PAX5: variants seen among roughly 807,000 people sequenced by gnomAD.
The protein encoded by PAX5 is paired box protein Pax-5.
PAX5 carries 9 observed loss-of-function variants against 43.7 expected under a neutral mutation model. The observed-to-expected ratio is 0.21, with a 90% confidence interval of 0.12 to 0.36. The LOEUF (loss-of-function observed/expected upper bound fraction) is 0.36. Ranked by LOEUF, PAX5 falls within the 10% of genes least tolerant of loss-of-function variation. The pLI, the probability that PAX5 is intolerant of heterozygous loss-of-function variation, is 1.00. For synonymous variants in PAX5, 228 were observed against 214.3 expected (o/e 1.06, Z -0.56); for missense variants, 383 against 532.7 (o/e 0.72, Z 2.77).
At chr9:36,910,974 C>T (rs577348414) in intron 7 of PAX5, among the ~76,000 whole-genome samples, 4 of 152,296 alleles carry the variant, frequency 2.6e-5, no homozygotes, top group Non-Finnish European at 5.9e-5. Context: ...ATTTAAAAGG[C>T]TGAAGCTGTA....
intron 1 of PAX5, among the ~76,000 whole-genome samples, chr9:37,027,511 A>T (rs1037521411): frequency 3.3e-5 from 5 of 152,178 alleles, no homozygotes; most frequent in Non-Finnish European, 7.4e-5. Flanking sequence ...GCGTGGAGTG[A>T]GGAACAGAGG....
intron 5 of PAX5, among the ~76,000 whole-genome samples, chr9:36,968,977 C>T (rs1834693257): frequency 6.6e-6 from 1 of 152,182 alleles, no homozygotes; most frequent in Non-Finnish European, 1.5e-5. Context: ...GTTTTTCCTA[C>T]TCAGCTGTGG....
chr9:36,872,661 A>G (rs1364865965), intron 8 of PAX5, among the ~76,000 whole-genome samples: 1 of 152,156 alleles, frequency 6.6e-6, no homozygotes, highest in African/African-American at 2.4e-5. Flanking sequence ...GAAAGCCTAC[A>G]TGTGTGTATC....
chr9:37,001,695 TCATGAGAACACA>T (rs972787603), intron 5 of PAX5, among the ~76,000 whole-genome samples: 1 of 151,924 alleles, frequency 6.6e-6, no homozygotes, highest in African/African-American at 2.4e-5. Flanking sequence ...AGGCATGTGC[TCATGAGAACACA>T]CATCCCTTAC....
At position 36,833,932 on chromosome 9, in the gene PAX5, G is replaced by A. The variant is rs1182640019; in HGVS notation, c.*6628C>T. ...ATCACAAACTTTGGCGGATACAGTA[G>A]ATATGTATTTCTTTGATGCTGAAAG... On this transcript the variant is annotated 3_prime_UTR_variant, in exon 10 of 10. Transcript: ENST00000358127. 4.3e-6 allele frequency: 1 copy of A among 231,838 alleles called. No homozygotes were observed. The highest frequency in any genetic ancestry group is 8.5e-6 in the Non-Finnish European group (1 of 117,738). The allele number at this position is 231,838 out of a possible 1,614,324, so 14.4% of individuals were successfully genotyped here. A position where few individuals can be genotyped will look rare whatever the true frequency, so the allele number is the denominator to read the frequency against.
intron 7 of PAX5, among the ~76,000 whole-genome samples, chr9:36,922,011 G>A (rs934817383): frequency 2.4e-4 from 37 of 152,258 alleles, no homozygotes; most frequent in African/African-American, 7.5e-4. Flanking sequence ...CCCACCTCAG[G>A]CCTGGGTGCA....
intron 7 of PAX5, among the ~76,000 whole-genome samples, chr9:36,918,834 A>C (rs1297869600): frequency 6.6e-6 from 1 of 152,264 alleles, no homozygotes; most frequent in Non-Finnish European, 1.5e-5. Flanking sequence ...TATGGAAAGA[A>C]GCCATCTCCA....
intron 7 of PAX5, among the ~76,000 whole-genome samples, chr9:36,887,803 G>A (rs1351761969): frequency 2.6e-5 from 4 of 152,152 alleles, no homozygotes; most frequent in Non-Finnish European, 5.9e-5. Context: ...AAAAGCTTTT[G>A]TGCTTCAAAG....
At position 36,837,163 on chromosome 9, in the gene PAX5, G is replaced by T. The variant is rs1040163530; in HGVS notation, c.*3397C>A. The T allele has an allele frequency of 4.3e-6, 1 of 232,918 alleles. No individual in the cohort carries two copies. The highest frequency in any genetic ancestry group is 5.6e-5 in the Admixed American group (1 of 17,778). 14.4% of individuals were successfully genotyped at this position (232,918 alleles called of 1,614,324 possible). A position where few individuals can be genotyped will look rare whatever the true frequency, so the allele number is the denominator to read the frequency against. On this transcript the variant is annotated 3_prime_UTR_variant, in exon 10 of 10. Transcript: ENST00000358127. ...AGCACAACTCGGTGGAGAGAGAATG[G>T]GGCCTGGAGATCTGAGAATTCACTT... is the stretch of plus-strand genomic sequence containing the variant.
chr9:37,005,321 C>A (rs965130693), intron 4 of PAX5, among the ~76,000 whole-genome samples: 1 of 152,246 alleles, frequency 6.6e-6, no homozygotes, highest in African/African-American at 2.4e-5. Flanking sequence ...TTCTTATAGG[C>A]TTGGCCTCTG....
At chr9:36,980,142 C>T (rs1835788465) in intron 5 of PAX5, among the ~76,000 whole-genome samples, 1 of 152,226 alleles carries the variant, frequency 6.6e-6, no homozygotes, top group South Asian at 2.1e-4. Flanking sequence ...AACTCCAAGC[C>T]AAGACTATGC....
At chr9:36,864,937 C>G (rs935343468) in intron 8 of PAX5, among the ~76,000 whole-genome samples, 1 of 152,250 alleles carries the variant, frequency 6.6e-6, no homozygotes, top group South Asian at 2.1e-4. Flanking sequence ...TTCCAGCACT[C>G]TAACGGGCTG....
rs1465540763 is a variant in PAX5, at chr9:37,020,713, A to T, written c.135T>A (p.Ala45=). ...DVVRQRIVEL[A]HQGVRPCDIS... is the part of the protein sequence containing the mutation. The stretch of plus-strand genomic sequence containing the variant: ...TGTCGCAGGGCCTGACACCTTGATG[A>T]GCAAGTTCCACTATCCTCTGGCGGA... The change falls in exon 2 of 10, where the codon GCT becomes GCA. Residue 45 remains alanine, a synonymous_variant. Transcript: ENST00000358127. 2 of 1,614,180 alleles carry T rather than the reference A, an allele frequency of 1.2e-6. No homozygotes were observed. The highest frequency in any genetic ancestry group is 1.7e-6 in the Non-Finnish European group (2 of 1,180,032).
At chr9:36,846,796 G>T (rs2131590412) in intron 9 of PAX5, 47 bp downstream of exon 9, 1 of 1,380,920 alleles carries the variant, frequency 7.2e-7, no homozygotes, top group African/African-American at 1.4e-5. Context: ...GCCTGGATGG[G>T]GTAGCTGATG....
chr9:36,896,980 T>G (rs756819680), intron 7 of PAX5, among the ~76,000 whole-genome samples: 3 of 152,232 alleles, frequency 2.0e-5, no homozygotes, highest in Non-Finnish European at 2.9e-5. Context: ...ATTCGGTTCC[T>G]GCAGTCAGAC....
intron 5 of PAX5, among the ~76,000 whole-genome samples, chr9:36,977,845 G>T (rs1195015079): frequency 6.6e-6 from 1 of 152,222 alleles, no homozygotes; most frequent in Admixed American, 6.5e-5. Context: ...CAGGGAAGAG[G>T]AATTGCATTC....
chr9:36,912,160 C>A (rs1318108096), intron 7 of PAX5, among the ~76,000 whole-genome samples: 3 of 152,250 alleles, frequency 2.0e-5, no homozygotes, highest in Admixed American at 1.3e-4. Context: ...ACGTAGAGAG[C>A]TGTCGCTGGG....
intron 1 of PAX5, among the ~76,000 whole-genome samples, chr9:37,026,967 G>T (rs540737408): frequency 3.0e-4 from 45 of 152,352 alleles, no homozygotes; most frequent in Non-Finnish European, 5.4e-4. Flanking sequence ...GCTTTGAGGA[G>T]GCCGCCGGAA....
intron 9 of PAX5, among the ~76,000 whole-genome samples, chr9:36,841,234 A>G (rs910916680): frequency 1.3e-5 from 2 of 152,204 alleles, no homozygotes; most frequent in Admixed American, 6.5e-5. Context: ...GCTGTCTCAT[A>G]CATACACAAT....
Sources: allele counts gnomAD v4.1 joint callset (sites outside exome capture counted in the v4.1 genomes callset), GRCh38; gene constraint gnomAD v4.1.1; transcripts MANE v1.5; gene names NCBI Gene and HGNC (gene_info 2026-07-23, HGNC 2026-07-21).